Variants in MRPL42 observed in about 807,000 individuals in gnomAD.
MRPL42 encodes mitochondrial ribosomal protein L42.
Under a neutral mutation model 17.9 loss-of-function variants are expected in MRPL42, and 17 were observed. That is an observed-to-expected ratio of 0.95 (90% CI 0.65 to 1.42). The LOEUF (loss-of-function observed/expected upper bound fraction) is 1.42. MRPL42 is among the 40% of genes most tolerant of loss of function. The pLI is 0.00. For missense variants in MRPL42, 177 were observed against 175.2 expected (o/e 1.01, Z -0.06); for synonymous variants, 59 against 54.4 (o/e 1.08, Z -0.37).
At position 93,502,494 on chromosome 12, in the gene MRPL42, A is replaced by G. The variant is rs185774595; in HGVS notation, c.*1273A>G. ...CTAGTTATTTTAATAAAGGAACTCT[A>G]GAAGTTTCAAGTGGCCAGTGAAGTG... On this transcript the variant is annotated 3_prime_UTR_variant, in exon 6 of 6. Coordinates refer to ENST00000549982, the MANE Select transcript of MRPL42 (RefSeq NM_014050.4). 1.3e-5 allele frequency: 2 copies of G among 152,334 alleles called. No homozygotes were observed. The highest frequency in any genetic ancestry group is 1.3e-4 in the Admixed American group (2 of 15,302). The allele number at this position is 152,334 out of a possible 1,614,324, so 9.4% of individuals were successfully genotyped here.
At chr12:93,471,943 A>C (rs747229939) in intron 2 of MRPL42, among the ~76,000 whole-genome samples, 1 of 152,178 alleles carries the variant, frequency 6.6e-6, no homozygotes, top group Non-Finnish European at 1.5e-5. Context: ...TTTTACATAG[A>C]CTATGTTTTG....
chr12:93,496,823 G>A (rs1953515353), intron 5 of MRPL42, among the ~76,000 whole-genome samples: 2 of 150,550 alleles, frequency 1.3e-5, no homozygotes, highest in Non-Finnish European at 3.0e-5. Flanking sequence ...GGGTTTGGGG[G>A]CGGGTGGGGA....
At chr12:93,480,568 G>A (rs1267544472) in intron 4 of MRPL42, among the ~76,000 whole-genome samples, 1 of 149,356 alleles carries the variant, frequency 6.7e-6, no homozygotes, top group African/African-American at 2.5e-5. Flanking sequence ...TTGAGACTGA[G>A]TCTCACTCTG....
rs544894295 is a variant in MRPL42, at chr12:93,510,191, A to G, written c.*8970A>G. 1.3e-5 allele frequency: 2 copies of G among 152,384 alleles called. No homozygotes were observed. Among genetic ancestry groups the G allele is most frequent in the East Asian group, 1.9e-4 (1 of 5,182 alleles). 9.4% of individuals were successfully genotyped at this position (152,384 alleles called of 1,614,324 possible). A position where few individuals can be genotyped will look rare whatever the true frequency, so the allele number is the denominator to read the frequency against. On this transcript the variant is annotated 3_prime_UTR_variant, in exon 6 of 6. Coordinates refer to ENST00000549982, the MANE Select transcript of MRPL42 (RefSeq NM_014050.4). ...CAGAACGCCATATAGTTGGAATCAT[A>G]AAGTATATATAGCCTTTTCACATTG...
At chr12:93,482,944 T>C (rs1433202091) in intron 4 of MRPL42, among the ~76,000 whole-genome samples, 2 of 151,706 alleles carry the variant, frequency 1.3e-5, no homozygotes, top group African/African-American at 4.8e-5. Flanking sequence ...CAGGCTAGAA[T>C]GCAGTGGTGT....
In MRPL42 at chr12:93,511,698, TTC is replaced by T; in HGVS notation, c.*10481_*10482del. The T allele has an allele frequency of 6.6e-6, 1 of 152,324 alleles. No homozygotes were observed. The highest frequency in any genetic ancestry group is 3.4e-3 in the Middle Eastern group (1 of 294). 9.4% of individuals were successfully genotyped at this position (152,324 alleles called of 1,614,324 possible). A position where few individuals can be genotyped will look rare whatever the true frequency, so the allele number is the denominator to read the frequency against. ...AATATGATAGTAATATGAAGGAAGA[TTC>T]TCTTTTTTCCACTTCATTGCCAACA... On this transcript the variant is annotated 3_prime_UTR_variant, in exon 6 of 6. Coordinates refer to ENST00000549982, the MANE Select transcript of MRPL42 (RefSeq NM_014050.4).
In MRPL42 at chr12:93,477,000, A is replaced by C. The variant is rs747311984; in HGVS notation, c.117A>C (p.Leu39=). 30 of 1,602,344 alleles carry C rather than the reference A, an allele frequency of 1.9e-5. No homozygotes were observed. In the African/African-American group the frequency reaches 3.5e-4, roughly 19 times the overall value. ...CVCHKSTYSP[L]PDDYNCNVEL... Reference sequence around the variant, plus strand: ...GTCATAAATCTACGTATTCTCCTCTACCAGATGACTATAATTGGTATGTAT... The same window carrying C: ...GTCATAAATCTACGTATTCTCCTCTCCCAGATGACTATAATTGGTATGTAT... Residue 39 remains leucine (L), a synonymous_variant, in exon 3 of 6, where the codon CTA becomes CTC. Transcript: ENST00000549982.
At chr12:93,477,132 T>C in intron 3 of MRPL42, 115 bp downstream of exon 3, 1 of 779,118 alleles carries the variant, frequency 1.3e-6, no homozygotes. Flanking sequence ...CTTTCCTTAA[T>C]TTTGTTTTTA....
intron 5 of MRPL42, among the ~76,000 whole-genome samples, chr12:93,495,072 G>A (rs538736785): frequency 6.6e-6 from 1 of 152,136 alleles, no homozygotes; most frequent in African/African-American, 2.4e-5. Flanking sequence ...GGTAACCTGG[G>A]GATTCAATCT....
rs541887987 is a variant in MRPL42 at position 93,472,753 on chromosome 12, C to G, written c.70+3398C>G. ...CTAGAAGGAATATTTTAAAATTTCC[C>G]AAATGGTCAGTCAGCCCGGGAGTGT... On this transcript the variant is annotated intron_variant, in intron 2 of 5. Coordinates refer to ENST00000549982, the MANE Select transcript of MRPL42 (RefSeq NM_014050.4). 5.3e-5 allele frequency among the ~76,000 whole-genome samples: 8 copies of G among 152,214 alleles called. No homozygotes were observed. In the South Asian group the frequency reaches 1.5e-3, roughly 28 times the overall value.
rs750799768 is a variant in MRPL42, at chr12:93,505,911, CT to C, written c.*4710del. 0.019 allele frequency: 2,298 copies of C among 122,600 alleles called. 39 individuals are homozygous for C. The highest frequency in any genetic ancestry group is 0.052 in the African/African-American group (1,681 of 32,318). The allele number at this position is 122,600 out of a possible 1,614,324, so 7.6% of individuals were successfully genotyped here. On this transcript the variant is annotated 3_prime_UTR_variant, in exon 6 of 6. Coordinates refer to ENST00000549982, the MANE Select transcript of MRPL42 (RefSeq NM_014050.4). ...TAGAACCTTATGATTACTTCTGAGT[CT>C]TTTTTTTTTTTTTTTTTTTGAGATG...
chr12:93,509,303 T>C lies in MRPL42; in HGVS notation c.*8082T>C, dbSNP rs1401070166. ...ATATTCTTGCCCTCATTTGATAATA[T>C]TTTTAGTTTTAGCCATTCTAATGGA... is the stretch of plus-strand genomic sequence containing the variant. On this transcript the variant is annotated 3_prime_UTR_variant, in exon 6 of 6. Transcript: ENST00000549982. 6.6e-6 allele frequency: 1 copy of C among 152,088 alleles called. No homozygotes were observed. The highest frequency in any genetic ancestry group is 1.5e-5 in the Non-Finnish European group (1 of 68,026). 9.4% of individuals were successfully genotyped at this position (152,088 alleles called of 1,614,324 possible).
Position 93,509,786 on chromosome 12 carries a change from AC to A in MRPL42, c.*8566del, listed in dbSNP as rs1953709855. The A allele has an allele frequency of 1.3e-5, 2 of 150,308 alleles. No homozygotes were observed. Among genetic ancestry groups the A allele is most frequent in the African/African-American group, 5.0e-5 (2 of 40,366 alleles). 9.3% of individuals were successfully genotyped at this position (150,308 alleles called of 1,614,324 possible). ...CCTCATCTCCTGAAAAAAAAAAAAA[AC>A]TTTAGTTTTTAAAAGTAGTTTTAGG... On this transcript the variant is annotated 3_prime_UTR_variant, in exon 6 of 6. Coordinates refer to ENST00000549982, the MANE Select transcript of MRPL42 (RefSeq NM_014050.4).
rs564742225 is a variant in MRPL42 at position 93,488,771 on chromosome 12, C to CT, written c.383+1116dup. Among the ~76,000 whole-genome samples the CT allele has an allele frequency of 2.2e-4, 33 of 152,112 alleles. No homozygotes were observed. The South Asian group carries it at 6.8e-3, about 32-fold the overall frequency. On this transcript the variant is annotated intron_variant, in intron 5 of 5. Transcript: ENST00000549982. Reference sequence around the variant, plus strand: ...GACTCTGGCATTAATTAGTTTTCCTCTTTTTGATTTTTTTCTTTTGTATCT... The same window carrying CT: ...GACTCTGGCATTAATTAGTTTTCCTCTTTTTTGATTTTTTTCTTTTGTATCT...
At position 93,515,821 on chromosome 12, in the gene MRPL42, A is replaced by G. The variant is rs77444383; in HGVS notation, c.*14600A>G. On this transcript the variant is annotated 3_prime_UTR_variant, in exon 6 of 6. Coordinates refer to ENST00000549982, the MANE Select transcript of MRPL42 (RefSeq NM_014050.4). ...GTCTCACAGAATACCAACATTAAAC[A>G]AGATGACTCTGAAACCTTAATAAAG... The G allele has an allele frequency of 5.3e-5, 8 of 152,332 alleles. No individual in the cohort carries two copies. The East Asian group carries it at 1.4e-3, about 26-fold the overall frequency. 9.4% of individuals were successfully genotyped at this position (152,332 alleles called of 1,614,324 possible).
intron 5 of MRPL42, among the ~76,000 whole-genome samples, chr12:93,492,308 C>T (rs889937581): frequency 8.5e-5 from 13 of 152,248 alleles, no homozygotes; most frequent in African/African-American, 3.1e-4. Context: ...TTAATAATAG[C>T]CATTCTAACT....
rs1289860924 is a variant in MRPL42, at chr12:93,485,052, TG to T, written c.220-2443del. Among the ~76,000 whole-genome samples, 3 of 81,544 alleles carry T rather than the reference TG, an allele frequency of 3.7e-5. No homozygotes were observed. In the East Asian group the frequency reaches 9.6e-4, roughly 26 times the overall value. The allele number at this position is 81,544 out of a possible 152,430, so 53.5% of individuals were successfully genotyped here. A position where few individuals can be genotyped will look rare whatever the true frequency, so the allele number is the denominator to read the frequency against. On this transcript the variant is annotated intron_variant, in intron 4 of 5. Transcript: ENST00000549982. ...TAAACAGAGATGGGGGGTCTTACCA[TG>T]GTGCCTAGGCTGGTCTCAACCTCCT... is the stretch of plus-strand genomic sequence containing the variant.
chr12:93,499,631 A>G (rs1322770885), intron 5 of MRPL42, among the ~76,000 whole-genome samples: 1 of 152,162 alleles, frequency 6.6e-6, no homozygotes, highest in Non-Finnish European at 1.5e-5. Context: ...AATTTTCTGT[A>G]TGCCAACATA....
chr12:93,480,761 C>T (rs1453353696), intron 4 of MRPL42, among the ~76,000 whole-genome samples: 5 of 148,116 alleles, frequency 3.4e-5, no homozygotes, highest in South Asian at 2.2e-4. Flanking sequence ...AGTATGGTCT[C>T]GATCTCTTGA....
Sources: allele counts gnomAD v4.1 joint callset (sites outside exome capture counted in the v4.1 genomes callset), GRCh38; gene constraint gnomAD v4.1.1; transcripts MANE v1.5; gene names NCBI Gene and HGNC (gene_info 2026-07-23, HGNC 2026-07-21).